FOCAD: variants seen among roughly 807,000 people sequenced by gnomAD.
FOCAD encodes focadhesin, also known as KIAA1797.
A neutral mutation model predicts 225.6 loss-of-function variants in FOCAD; 198 were observed. The ratio of observed to expected loss-of-function variants is 0.88; its 90% CI spans 0.78 to 0.99. FOCAD has a LOEUF of 0.99. Among genes scored for constraint, FOCAD ranks in the 50% least tolerant of loss-of-function variants. FOCAD has a pLI of 0.00. For missense variants in FOCAD, 2,713 were observed against 2,123.6 expected (o/e 1.28, Z -5.46); for synonymous variants, 897 against 755.0 (o/e 1.19, Z -3.08).
chr9:20,849,404 A>G (rs1383778827), intron 15 of FOCAD, among the ~76,000 whole-genome samples: 2 of 151,332 alleles, frequency 1.3e-5, no homozygotes, highest in Non-Finnish European at 2.9e-5. Context: ...TGTTTTTTAA[A>G]CTATTGTTAT....
chr9:20,970,440 T>C (rs566227905), intron 35 of FOCAD, among the ~76,000 whole-genome samples: 1 of 152,262 alleles, frequency 6.6e-6, no homozygotes, highest in Admixed American at 6.5e-5. Context: ...TTGATTCTTT[T>C]GCCTGCTCAA....
chr9:20,838,833 T>C (rs550404207), intron 15 of FOCAD, among the ~76,000 whole-genome samples: 26 of 152,256 alleles, frequency 1.7e-4, no homozygotes, highest in South Asian at 1.7e-3. Flanking sequence ...TAAAGTGATT[T>C]ATGTATAAGC....
upstream of FOCAD, among the ~76,000 whole-genome samples, chr9:20,656,312 G>GTTCAA (rs1299981748): frequency 1.3e-5 from 2 of 151,886 alleles, no homozygotes; most frequent in Non-Finnish European, 2.9e-5. Flanking sequence ...GCAAAGCTGA[G>GTTCAA]TTCAATTCCT....
At chr9:20,745,993 T>G (rs1053188626) in intron 5 of FOCAD, among the ~76,000 whole-genome samples, 13 of 152,186 alleles carry the variant, frequency 8.5e-5, no homozygotes, top group Non-Finnish European at 1.8e-4. Context: ...ACGTGTATCC[T>G]AAAGGCTGAG....
chr9:20,910,342 G>A (rs1042193623), intron 22 of FOCAD, among the ~76,000 whole-genome samples: 1 of 152,020 alleles, frequency 6.6e-6, no homozygotes, highest in Non-Finnish European at 1.5e-5. Context: ...TCAAACAGGA[G>A]AGAGGTATGA....
intron 2 of FOCAD, among the ~76,000 whole-genome samples, chr9:20,672,888 A>G (rs909022608): frequency 2.0e-5 from 3 of 152,258 alleles, no homozygotes; most frequent in African/African-American, 7.2e-5. Flanking sequence ...ATTTAAATCT[A>G]TTTACAAGTT....
Position 20,929,349 on chromosome 9 carries a change from A to T in FOCAD, c.3079-9A>T, listed in dbSNP as rs377554568. 6.2e-7 allele frequency: 1 copy of T among 1,610,930 alleles called. No individual in the cohort carries two copies. The highest frequency in any genetic ancestry group is 8.5e-7 in the Non-Finnish European group (1 of 1,177,446). ...GCTAACCCTGTTTTCTTTCTTTGGC[A>T]TGTCCTAGAAGTCCTATTCTGGTGA... On this transcript the variant is annotated splice_polypyrimidine_tract_variant and intron_variant, in intron 26 of 43. Coordinates refer to ENST00000338382, the MANE Select transcript of FOCAD (RefSeq NM_001375567.1).
chr9:20,837,943 T>G (rs948611801), intron 15 of FOCAD, among the ~76,000 whole-genome samples: 2 of 152,128 alleles, frequency 1.3e-5, no homozygotes, highest in African/African-American at 4.8e-5. Flanking sequence ...TAACATATAC[T>G]GAAATTGTTA....
chr9:20,934,515 G>A (rs1486507181), intron 28 of FOCAD, among the ~76,000 whole-genome samples: 1 of 146,668 alleles, frequency 6.8e-6, no homozygotes, highest in African/African-American at 2.5e-5. Flanking sequence ...CCCACTTGAT[G>A]TTTTTTTTTC....
chr9:20,769,912 C>T, intron 7 of FOCAD, 120 bp from the exon 8 acceptor site: 6 of 823,386 alleles, frequency 7.3e-6, no homozygotes, highest in East Asian at 2.7e-5. Flanking sequence ...TTTTTTTCAT[C>T]TCCTTTAAGT....
chr9:20,812,181 T>G (rs553064778), intron 11 of FOCAD, among the ~76,000 whole-genome samples: 1 of 152,232 alleles, frequency 6.6e-6, no homozygotes, highest in Non-Finnish European at 1.5e-5. Context: ...GACACTGCTT[T>G]GGAGTTTTGC....
At chr9:20,686,543 A>G (rs947782340) in intron 1 of FOCAD, among the ~76,000 whole-genome samples, 2 of 152,226 alleles carry the variant, frequency 1.3e-5, no homozygotes, top group Non-Finnish European at 2.9e-5. Context: ...ATTTGGAGGA[A>G]GTGTAAGGAA....
At chr9:20,976,224 A>G in intron 35 of FOCAD, 196 bp from the exon 36 acceptor site, 1 of 335,252 alleles carries the variant, frequency 3.0e-6, no homozygotes, top group Admixed American at 4.2e-5. Context: ...AATTTTTTAA[A>G]AAGAGAAGAA....
chr9:20,913,008 G>T lies in FOCAD; in HGVS notation c.2807+54G>T, dbSNP rs1326388087. On this transcript the variant is annotated intron_variant, in intron 23 of 43. Transcript: ENST00000338382. ...TTTGTCATGGGAAGTGAGCTATGAG[G>T]GGAAAGGTAACTACTTTAAAGGCTT... 3.5e-6 allele frequency: 5 copies of T among 1,442,936 alleles called. No individual in the cohort carries two copies. In the Admixed American group the frequency reaches 7.2e-5, roughly 21 times the overall value. 89.4% of individuals were successfully genotyped at this position (1,442,936 alleles called of 1,614,324 possible). A position where few individuals can be genotyped will look rare whatever the true frequency, so the allele number is the denominator to read the frequency against.
chr9:20,944,805 T>C (rs1279663095), intron 29 of FOCAD, 31 bp downstream of exon 29: 1 of 1,583,292 alleles, frequency 6.3e-7, no homozygotes, highest in African/African-American at 1.3e-5. Context: ...TTTTTTCCCC[T>C]CTGCTCTCTT....
intron 1 of FOCAD, among the ~76,000 whole-genome samples, chr9:20,705,912 A>G (rs968812842): frequency 2.3e-5 from 3 of 132,576 alleles, no homozygotes; most frequent in African/African-American, 8.4e-5. Context: ...GTTAGGCATT[A>G]TTCAGTTTTA....
upstream of FOCAD, chr9:20,683,295 C>T (rs538712706): frequency 2.6e-5 from 4 of 152,264 alleles, no homozygotes; most frequent in South Asian, 8.3e-4. Context: ...TGATGAGGCC[C>T]AGGCACTTGT....
intron 36 of FOCAD, 33 bp downstream of exon 36, chr9:20,976,581 T>A (rs139797354): frequency 2.5e-6 from 4 of 1,604,528 alleles, no homozygotes; most frequent in Non-Finnish European, 3.4e-6. Flanking sequence ...TCTTCAGACT[T>A]TGATTTTAGT....
chr9:20,723,719 C>T (rs1825974910), intron 4 of FOCAD, among the ~76,000 whole-genome samples: 1 of 152,146 alleles, frequency 6.6e-6, no homozygotes, highest in South Asian at 2.1e-4. Context: ...TAGCCTATTA[C>T]ATAGTATTCT....
Sources: gnomAD v4.1 joint callset for allele counts (sites outside exome capture counted in the v4.1 genomes callset) on GRCh38, gnomAD v4.1.1 for gene constraint, MANE v1.5 for transcripts, NCBI Gene and HGNC (gene_info 2026-07-23, HGNC 2026-07-21) for gene names.